GALNT17: variants seen among roughly 807,000 people sequenced by gnomAD.
The protein encoded by GALNT17 is polypeptide N-acetylgalactosaminyltransferase 17.
A neutral mutation model predicts 63.7 loss-of-function variants in GALNT17; 29 were observed. That is an observed-to-expected ratio of 0.46 (90% CI 0.34 to 0.62). The LOEUF (loss-of-function observed/expected upper bound fraction) is 0.62. Among genes scored for constraint, GALNT17 ranks in the 20% least tolerant of loss-of-function variants. GALNT17 has a pLI of 0.01. For synonymous variants in GALNT17, 305 were observed against 318.3 expected, an observed-to-expected ratio of 0.96 and a Z score of 0.45; for missense variants, 603 against 799.6, an observed-to-expected ratio of 0.75 and a Z score of 2.97.
intron 3 of GALNT17, among the ~76,000 whole-genome samples, chr7:71,410,797 A>G (rs1433793971): frequency 1.3e-5 from 2 of 152,174 alleles, no homozygotes; most frequent in Non-Finnish European, 1.5e-5. Context: ...AGGAGCAGGT[A>G]TGCATACCTC....
chr7:71,330,537 A>G (rs1287526444), intron 1 of GALNT17, among the ~76,000 whole-genome samples: 2 of 152,142 alleles, frequency 1.3e-5, no homozygotes, highest in African/African-American at 2.4e-5. Context: ...AGCTGGGACT[A>G]TAGGCACAGG....
At chr7:71,696,944 AATACGAGATT>A (rs1436031307) in intron 9 of GALNT17, among the ~76,000 whole-genome samples, 2 of 152,200 alleles carry the variant, frequency 1.3e-5, no homozygotes, top group East Asian at 3.9e-4. Flanking sequence ...ACATTTATAA[AATACGAGATT>A]ATGTAAGTTG....
At chr7:71,369,878 G>T (rs1792590000) in intron 2 of GALNT17, among the ~76,000 whole-genome samples, 2 of 151,288 alleles carry the variant, frequency 1.3e-5, no homozygotes, top group Admixed American at 1.3e-4. Flanking sequence ...CAGAGGGATG[G>T]TCCAGATGGC....
intron 1 of GALNT17, among the ~76,000 whole-genome samples, chr7:71,248,906 A>C (rs73190466): frequency 0.067 from 10,267 of 152,148 alleles, 467 homozygotes; most frequent in Non-Finnish European, 0.089. Context: ...AGCCTTAACC[A>C]CCTCTTTGTA....
At chr7:71,592,529 A>AAT (rs1789819597) in intron 6 of GALNT17, among the ~76,000 whole-genome samples, 1 of 80,570 alleles carries the variant, frequency 1.2e-5, no homozygotes, top group Non-Finnish European at 2.3e-5. Context: ...AATAAAATAA[A>AAT]ATAAAATAAA....
intron 6 of GALNT17, among the ~76,000 whole-genome samples, chr7:71,599,810 G>A (rs1231565042): frequency 6.6e-6 from 1 of 152,004 alleles, no homozygotes; most frequent in Non-Finnish European, 1.5e-5. Context: ...AGTCATAATT[G>A]CACTGTTGAC....
At chr7:71,319,504 C>T (rs971239340) in intron 1 of GALNT17, among the ~76,000 whole-genome samples, 1 of 152,136 alleles carries the variant, frequency 6.6e-6, no homozygotes, top group African/African-American at 2.4e-5. Context: ...GTCTTCTCCT[C>T]AAGGAACTTG....
intron 9 of GALNT17, among the ~76,000 whole-genome samples, chr7:71,707,534 T>A (rs1376921684): frequency 6.6e-6 from 1 of 152,190 alleles, no homozygotes; most frequent in Non-Finnish European, 1.5e-5. Context: ...ACGTAGTGGC[T>A]TAAAACAATA....
chr7:71,610,695 T>C (rs925158503), intron 6 of GALNT17, among the ~76,000 whole-genome samples: 2 of 151,976 alleles, frequency 1.3e-5, no homozygotes, highest in African/African-American at 4.8e-5. Flanking sequence ...ATCAGGAATA[T>C]TCAATCTCCA....
At chr7:71,699,476 A>G (rs749355310) in intron 9 of GALNT17, among the ~76,000 whole-genome samples, 3 of 70,954 alleles carry the variant, frequency 4.2e-5, no homozygotes, top group Middle Eastern at 8.5e-3. Flanking sequence ...ACTCTGTCTC[A>G]AAAAAAAAAA....
At chr7:71,695,202 C>A (rs1344593922) in intron 9 of GALNT17, among the ~76,000 whole-genome samples, 1 of 152,194 alleles carries the variant, frequency 6.6e-6, no homozygotes, top group African/African-American at 2.4e-5. Flanking sequence ...GGCCCCAGGT[C>A]TCTCCACAGG....
rs1416900620 is a variant in GALNT17, at chr7:71,315,402, TTGGATCATATGG to T, written c.239-20146_239-20135del. 2.8e-4 allele frequency among the ~76,000 whole-genome samples: 43 copies of T among 152,316 alleles called. 1 individual carries two copies. The highest frequency in any genetic ancestry group is 2.5e-3 in the Admixed American group (38 of 15,294). On this transcript the variant is annotated intron_variant, in intron 1 of 10. Coordinates refer to ENST00000333538, the MANE Select transcript of GALNT17 (RefSeq NM_022479.3). ...GGGTACATACCTAGGAGCGGAATTGTTGGATCATATGGTAATTCCATGTTTCACCTTTGGAGG... is the reference window on the plus strand; with the variant it reads ...GGGTACATACCTAGGAGCGGAATTGTTAATTCCATGTTTCACCTTTGGAGG...
intron 5 of GALNT17, among the ~76,000 whole-genome samples, chr7:71,486,082 C>T (rs1052536945): frequency 2.0e-5 from 3 of 152,148 alleles, no homozygotes; most frequent in Admixed American, 1.3e-4. Context: ...AATCCCAGCA[C>T]TTTGGGAGAC....
chr7:71,318,741 T>C lies in GALNT17; in HGVS notation c.239-16809T>C, dbSNP rs183493749. Among the ~76,000 whole-genome samples, 30 of 152,284 alleles carry C rather than the reference T, an allele frequency of 2.0e-4. No individual in the cohort carries two copies. The East Asian group carries it at 5.8e-3, about 29-fold the overall frequency. The stretch of plus-strand genomic sequence containing the variant: ...CCTCTTGCGGCCCCCTGCAGCTCTT[T>C]GGAGATGGAAACTGGCATTTCAACC... On this transcript the variant is annotated intron_variant, in intron 1 of 10. Coordinates refer to ENST00000333538, the MANE Select transcript of GALNT17 (RefSeq NM_022479.3).
chr7:71,399,971 T>C (rs934080534), intron 3 of GALNT17, among the ~76,000 whole-genome samples: 2 of 152,352 alleles, frequency 1.3e-5, no homozygotes, highest in East Asian at 1.9e-4. Flanking sequence ...CTTTGTCTTA[T>C]TGATTTACAA....
At chr7:71,166,026 A>G (rs1788434810) in intron 1 of GALNT17, among the ~76,000 whole-genome samples, 1 of 152,060 alleles carries the variant, frequency 6.6e-6, no homozygotes, top group Non-Finnish European at 1.5e-5. Flanking sequence ...GTACCACGCA[A>G]TGCATAAGTA....
chr7:71,551,757 CAAA>C (rs398047765), intron 5 of GALNT17, among the ~76,000 whole-genome samples: 7 of 120,496 alleles, frequency 5.8e-5, no homozygotes, highest in Admixed American at 2.5e-4. Flanking sequence ...GACCCTGTCT[CAAA>C]AAAAAAAAAA....
At chr7:71,441,999 C>A (rs1294604409) in intron 5 of GALNT17, among the ~76,000 whole-genome samples, 1 of 151,994 alleles carries the variant, frequency 6.6e-6, no homozygotes, top group Non-Finnish European at 1.5e-5. Flanking sequence ...GGTATATGCC[C>A]AGTAATGGGA....
chr7:71,271,786 G>T (rs564866828), intron 1 of GALNT17, among the ~76,000 whole-genome samples: 1 of 152,142 alleles, frequency 6.6e-6, no homozygotes, highest in Non-Finnish European at 1.5e-5. Context: ...TGGGGACAGG[G>T]TCTCACTCTG....
Sources: allele counts gnomAD v4.1 joint callset (sites outside exome capture counted in the v4.1 genomes callset), GRCh38; gene constraint gnomAD v4.1.1; transcripts MANE v1.5; gene names NCBI Gene and HGNC (gene_info 2026-07-23, HGNC 2026-07-21).